TMEM237: variants seen among roughly 807,000 people sequenced by gnomAD.
The protein encoded by TMEM237 is transmembrane protein 237, also known as amyotrophic lateral sclerosis 2 (juvenile) chromosome region, candidate 4.
In TMEM237, 51 loss-of-function variants were observed where a neutral mutation model predicts 59.1. The observed-to-expected ratio is 0.86, with a 90% confidence interval of 0.69 to 1.09. The LOEUF (loss-of-function observed/expected upper bound fraction) is 1.09. TMEM237 is among the 50% of genes least tolerant of loss of function. The pLI is 0.00. For synonymous variants in TMEM237, 140 were observed against 166.1 expected, an observed-to-expected ratio of 0.84 and a Z score of 1.21; for missense variants, 475 against 478.3, an observed-to-expected ratio of 0.99 and a Z score of 0.06.
At position 201,632,345 on chromosome 2, in the gene TMEM237, G is replaced by A. The variant is rs115462045; in HGVS notation, c.396-137C>T. The A allele has an allele frequency of 7.6e-3, 6,974 of 917,600 alleles. 33 individuals are homozygous for A. The highest frequency in any genetic ancestry group is 9.4e-3 in the Non-Finnish European group (5,784 of 612,522). The allele number at this position is 917,600 out of a possible 1,614,324, so 56.8% of individuals were successfully genotyped here. On this transcript the variant is annotated intron_variant, in intron 6 of 12. Coordinates refer to ENST00000409883, the MANE Select transcript of TMEM237 (RefSeq NM_001044385.3). ...AATGTGGTTTTTACTCAAATAAATC[G>A]GTTATTAACTATTATGTGCAGCAAG...
rs571587153 is a variant in TMEM237 at position 201,643,028 on chromosome 2, G to A, written c.42+331C>T. On this transcript the variant is annotated intron_variant, in intron 1 of 12. Coordinates refer to ENST00000409883, the MANE Select transcript of TMEM237 (RefSeq NM_001044385.3). The surrounding 1 kb of genome is among the most constrained non-coding windows in gnomAD (Gnocchi z 4.3). ...GGCAGCTACAGACCTCTCCTCGGAG[G>A]AGTCTAGGAGAGGCCTGGCTGGAAG... is the stretch of plus-strand genomic sequence containing the variant. The A allele has an allele frequency of 1.2e-4, 149 of 1,260,992 alleles. 1 individual carries two copies. The South Asian group carries it at 3.0e-3, about 25-fold the overall frequency. 78.1% of individuals were successfully genotyped at this position (1,260,992 alleles called of 1,614,324 possible). A position where few individuals can be genotyped will look rare whatever the true frequency, so the allele number is the denominator to read the frequency against.
intron 9 of TMEM237, among the ~76,000 whole-genome samples, chr2:201,628,669 G>A (rs187562236): frequency 6.6e-6 from 1 of 152,246 alleles, no homozygotes; most frequent in Non-Finnish European, 1.5e-5. Context: ...ATACACAGGG[G>A]GAAAGTGCTG....
Position 201,629,739 on chromosome 2 carries a change from G to A in TMEM237, c.667C>T (p.Arg223Trp), listed in dbSNP as rs775520529. ...TTRDVALTVH[R>W]AFRMIGLFSH... ...AACAAAAGCAGCCACCTGAAAGCCC[G>A]GTGCACTGTAAGTGCCACATCTCTG... The change falls in exon 8 of 13, where the codon CGG becomes TGG. Residue 223 changes from arginine (R) to tryptophan (W), a missense_variant. Physicochemically the swap from Arg to Trp is moderately radical, Grantham distance 101 (BLOSUM62 -3). Transcript: ENST00000409883. 14 of 1,608,508 alleles carry A rather than the reference G, an allele frequency of 8.7e-6. No homozygotes were observed. The East Asian group carries it at 8.9e-5, about 10-fold the overall frequency.
chr2:201,642,585 T>A (rs772563216), intron 1 of TMEM237: 4 of 1,601,746 alleles, frequency 2.5e-6, no homozygotes, highest in Non-Finnish European at 1.7e-6. Flanking sequence ...TCCTAACAAT[T>A]AAAAGTAGCT....
intron 1 of TMEM237, among the ~76,000 whole-genome samples, chr2:201,642,315 C>G (rs1171411527): frequency 6.6e-6 from 1 of 152,144 alleles, no homozygotes; most frequent in African/African-American, 2.4e-5. Context: ...TTCGTTCGAA[C>G]AGTAGATTAA....
Position 201,628,078 on chromosome 2 carries a change from A to G in TMEM237, c.941T>C (p.Phe314Ser). The G allele has an allele frequency of 6.2e-7, 1 of 1,606,168 alleles. No homozygotes were observed. The highest frequency in any genetic ancestry group is 2.2e-5 in the East Asian group (1 of 44,676). ...ATCATGTTAAACTGCTTACTCACAG[A>G]AAGATGCTAAAGCTGTAGGATCCAG... ...LALDPTALASFLYFTALILSL... is the reference protein window; with the variant it reads ...LALDPTALASSLYFTALILSL... Residue 314 changes from phenylalanine to serine, a missense_variant and splice_region_variant, in exon 10 of 13, where the codon TTC becomes TCC. By Grantham distance (155) the Phe-to-Ser change is radical (BLOSUM62 -2). Transcript: ENST00000409883.
Position 201,624,254 on chromosome 2 carries a change from A to G in TMEM237, c.*1T>C. 6.2e-7 allele frequency: 1 copy of G among 1,611,176 alleles called. No individual in the cohort carries two copies. On this transcript the variant is annotated 3_prime_UTR_variant, in exon 13 of 13. Transcript: ENST00000409883. ...ATTATTCCTCCAAAGGTGAGCTGGTATTATGAAGAGGCTTTGATTTCTTTC... is the reference window on the plus strand; with the variant it reads ...ATTATTCCTCCAAAGGTGAGCTGGTGTTATGAAGAGGCTTTGATTTCTTTC...
rs77344726 is a variant in TMEM237 at position 201,637,880 on chromosome 2, T to TA, written c.137-996dup. ...TAACAAAAAAATTTTAAAGATTGAT[T>TA]ATTGTCCAATGTTGTTAAGGATTTA... On this transcript the variant is annotated intron_variant, in intron 4 of 12. Coordinates refer to ENST00000409883, the MANE Select transcript of TMEM237 (RefSeq NM_001044385.3). Among the ~76,000 whole-genome samples the TA allele has an allele frequency of 3.6e-3, 552 of 152,322 alleles. 21 individuals are homozygous for TA. The East Asian group carries it at 0.087, about 24-fold the overall frequency.
At chr2:201,640,802 G>T in intron 2 of TMEM237, 91 bp downstream of exon 2, 1 of 1,073,458 alleles carries the variant, frequency 9.3e-7, no homozygotes, top group Non-Finnish European at 1.3e-6. Context: ...CTGAATCATT[G>T]TAATTTTGCA....
intron 3 of TMEM237, 67 bp from the exon 4 acceptor site, chr2:201,639,112 G>A: frequency 2.1e-6 from 3 of 1,428,620 alleles, no homozygotes; most frequent in East Asian, 4.9e-5. Flanking sequence ...ACAGTCAGAA[G>A]AGAACTTTTA....
Position 201,635,433 on chromosome 2 carries a change from C to CA in TMEM237, c.274+1314dup, listed in dbSNP as rs1424213688. Among the ~76,000 whole-genome samples, 1 of 152,188 alleles carries CA rather than the reference C, an allele frequency of 6.6e-6. No homozygotes were observed. The highest frequency in any genetic ancestry group is 1.5e-5 in the Non-Finnish European group (1 of 68,044). ...AGATTGGCATTATGCCACCACAAGT[C>CA]AAACAATGCCAAGGACTGTCAACAA... On this transcript the variant is annotated intron_variant, in intron 5 of 12. Transcript: ENST00000409883. This position sits in a 1 kb window ranked among gnomAD's most constrained non-coding sequence, Gnocchi z 4.5.
chr2:201,639,831 A>G (rs1333236136), intron 3 of TMEM237, among the ~76,000 whole-genome samples: 2 of 152,194 alleles, frequency 1.3e-5, no homozygotes, highest in Non-Finnish European at 2.9e-5. Flanking sequence ...CTAGATTGCT[A>G]TATCAATAGT....
intron 11 of TMEM237, among the ~76,000 whole-genome samples, chr2:201,626,534 GAAAAAAAAAAA>G (rs751155005): frequency 4.2e-5 from 4 of 96,040 alleles, no homozygotes; most frequent in South Asian, 4.4e-4. Flanking sequence ...AGCATTTGGG[GAAAAAAAAAAA>G]AAAAAAAAAA....
Position 201,629,434 on chromosome 2 carries a change from G to T in TMEM237, c.678-13C>A. 6.5e-7 allele frequency: 1 copy of T among 1,530,586 alleles called. No individual in the cohort carries two copies. Among genetic ancestry groups the T allele is most frequent in the African/African-American group, 1.4e-5 (1 of 71,854 alleles). 94.8% of individuals were successfully genotyped at this position (1,530,586 alleles called of 1,614,324 possible). A position where few individuals can be genotyped will look rare whatever the true frequency, so the allele number is the denominator to read the frequency against. ...GAGACCAATCATCCTGAATGGAAAA[G>T]GGTTTGATTATTATACATGAATTAC... On this transcript the variant is annotated splice_polypyrimidine_tract_variant and intron_variant, in intron 8 of 12. Transcript: ENST00000409883.
At chr2:201,640,975 T>TA (rs1687401426) in intron 1 of TMEM237, 51 bp from the exon 2 acceptor site, 2 of 1,530,058 alleles carry the variant, frequency 1.3e-6, no homozygotes, top group Admixed American at 3.7e-5. Context: ...AGAGCATCTT[T>TA]ACTTCAAATA....
rs1687457616 is a variant in TMEM237 at position 201,642,824 on chromosome 2, CA to C, written c.42+534del. The C allele has an allele frequency of 5.9e-6, 8 of 1,347,580 alleles. No homozygotes were observed. The East Asian group carries it at 9.2e-5, about 16-fold the overall frequency. 83.5% of individuals were successfully genotyped at this position (1,347,580 alleles called of 1,614,324 possible). On this transcript the variant is annotated intron_variant, in intron 1 of 12. Coordinates refer to ENST00000409883, the MANE Select transcript of TMEM237 (RefSeq NM_001044385.3). The stretch of plus-strand genomic sequence containing the variant: ...ATTGGCCAGTCCAGACTAGCCCTGC[CA>C]AAAAGGGGGCCTCGGAGTTGGGGGT...
intron 12 of TMEM237, among the ~76,000 whole-genome samples, chr2:201,625,801 A>C (rs1173673030): frequency 6.6e-6 from 1 of 152,194 alleles, no homozygotes; most frequent in East Asian, 1.9e-4. Flanking sequence ...CAAGGGCCAC[A>C]GAAGCCCCTC....
intron 7 of TMEM237, chr2:201,631,465 ATGT>A (rs1412150452): frequency 1.3e-5 from 2 of 152,350 alleles, no homozygotes; most frequent in African/African-American, 4.8e-5. Context: ...TACAGCTATA[ATGT>A]TGTATTTCTT....
chr2:201,634,390 T>C (rs1687255632), intron 5 of TMEM237: 1 of 152,274 alleles, frequency 6.6e-6, no homozygotes, highest in African/African-American at 2.4e-5. Context: ...AGCCTACCAT[T>C]GGTCATCCTG....
Sources: allele counts gnomAD v4.1 joint callset (sites outside exome capture counted in the v4.1 genomes callset), GRCh38; gene constraint gnomAD v4.1.1; non-coding constraint Gnocchi (gnomAD v3.1); transcripts MANE v1.5; gene names NCBI Gene and HGNC (gene_info 2026-07-23, HGNC 2026-07-21).